The following TNFAIP6 variants were observed in gnomAD, a reference collection of about 807,000 sequenced individuals.
TNFAIP6 encodes tumor necrosis factor-inducible gene 6 protein.
Under a neutral mutation model 33.7 loss-of-function variants are expected in TNFAIP6, and 36 were observed. The ratio of observed to expected loss-of-function variants is 1.07; its 90% CI spans 0.82 to 1.41. TNFAIP6 has a LOEUF of 1.41. Ranked by LOEUF, TNFAIP6 falls within the 40% of genes most tolerant of loss-of-function variation. TNFAIP6 has a pLI of 0.00. For missense variants in TNFAIP6, 273 were observed against 331.9 expected, an observed-to-expected ratio of 0.82 and a Z score of 1.38; for synonymous variants, 113 against 112.8, an observed-to-expected ratio of 1.00 and a Z score of -0.01.
At chr2:151,367,586 A>G (rs1264289740) in intron 3 of TNFAIP6, among the ~76,000 whole-genome samples, 2 of 152,204 alleles carry the variant, frequency 1.3e-5, no homozygotes, top group Non-Finnish European at 2.9e-5. Flanking sequence ...AGAAGTGCCA[A>G]TGAAATGGTC....
At chr2:151,380,798 G>T (rs7601008), downstream of TNFAIP6, among the ~76,000 whole-genome samples, 3,212 of 152,184 alleles carry the variant, frequency 0.021, 118 homozygotes, top group African/African-American at 0.074. Context: ...ACTAATTTCG[G>T]GTTGGTGGTG....
intron 5 of TNFAIP6, among the ~76,000 whole-genome samples, chr2:151,377,315 A>G (rs1202628136): frequency 2.0e-5 from 3 of 151,586 alleles, no homozygotes; most frequent in South Asian, 2.1e-4. Flanking sequence ...GACTACAGGC[A>G]CCCGCCACCA....
intron 1 of TNFAIP6, among the ~76,000 whole-genome samples, chr2:151,359,278 A>C (rs1173243746): frequency 5.9e-5 from 9 of 152,242 alleles, no homozygotes; most frequent in African/African-American, 2.2e-4. Context: ...ATTAGAAGGG[A>C]TACATCTGTT....
chr2:151,374,180 G>A (rs1397840825), intron 5 of TNFAIP6, among the ~76,000 whole-genome samples: 1 of 152,172 alleles, frequency 6.6e-6, no homozygotes, highest in Non-Finnish European at 1.5e-5. Context: ...CTAATCATGT[G>A]TAGTAAATCT....
At position 151,376,877 on chromosome 2, in the gene TNFAIP6, T is replaced by TTTTG. The variant is rs1553467587; in HGVS notation, c.665-2484_665-2483insGTTT. The stretch of plus-strand genomic sequence containing the variant: ...TTCTTTTTCTTTTCTTTTTTTTTTT[T>TTTTG]TTTTTTTTGTTTTTTTTGAGACAGG... On this transcript the variant is annotated intron_variant, in intron 5 of 5. Coordinates refer to ENST00000243347, the MANE Select transcript of TNFAIP6 (RefSeq NM_007115.4). 2.5e-4 allele frequency among the ~76,000 whole-genome samples: 36 copies of TTTTG among 146,016 alleles called. No individual in the cohort carries two copies. The East Asian group carries it at 6.3e-3, about 25-fold the overall frequency.
chr2:151,370,733 A>G (rs1326006495), intron 4 of TNFAIP6, among the ~76,000 whole-genome samples: 5 of 152,200 alleles, frequency 3.3e-5, no homozygotes, highest in African/African-American at 1.2e-4. Context: ...GTGAGTTGCA[A>G]AAATTGTTCA....
intron 1 of TNFAIP6, among the ~76,000 whole-genome samples, chr2:151,358,741 TC>T (rs1558896569): frequency 6.6e-6 from 1 of 152,226 alleles, no homozygotes; most frequent in African/African-American, 2.4e-5. Flanking sequence ...CATGCGGATT[TC>T]ATTAAAAAGC....
At position 151,370,531 on chromosome 2, in the gene TNFAIP6, A is replaced by T. The variant is rs866315318; in HGVS notation, c.623+283A>T. Among the ~76,000 whole-genome samples, 33 of 150,214 alleles carry T rather than the reference A, an allele frequency of 2.2e-4. No homozygotes were observed. The Middle Eastern group carries it at 0.02, about 93-fold the overall frequency. Reference sequence around the variant, plus strand: ...CTACAACATACTTATTAAAGTAGTGAGAGCTGCCTTTTGATTATGGCTAAG... The same window carrying T: ...CTACAACATACTTATTAAAGTAGTGTGAGCTGCCTTTTGATTATGGCTAAG... On this transcript the variant is annotated intron_variant, in intron 4 of 5. Coordinates refer to ENST00000243347, the MANE Select transcript of TNFAIP6 (RefSeq NM_007115.4).
intron 5 of TNFAIP6, among the ~76,000 whole-genome samples, chr2:151,378,603 T>A (rs1573788338): frequency 1.3e-5 from 2 of 151,868 alleles, no homozygotes; most frequent in Middle Eastern, 3.4e-3. Flanking sequence ...TTCTCCTGCC[T>A]CAGCCTCCCG....
chr2:151,363,553 T>G (rs1684664006), intron 1 of TNFAIP6, among the ~76,000 whole-genome samples: 1 of 150,626 alleles, frequency 6.6e-6, no homozygotes, highest in Non-Finnish European at 1.5e-5. Context: ...TCCCAGCTAT[T>G]CGGGAGGCTG....
chr2:151,375,127 A>T (rs1684882044), intron 5 of TNFAIP6, among the ~76,000 whole-genome samples: 1 of 104,732 alleles, frequency 9.5e-6, no homozygotes, highest in African/African-American at 4.1e-5. Context: ...CTCCGTCTCA[A>T]AAAAAAAAAA....
At chr2:151,375,890 C>T (rs1348797020) in intron 5 of TNFAIP6, among the ~76,000 whole-genome samples, 1 of 152,138 alleles carries the variant, frequency 6.6e-6, no homozygotes, top group Non-Finnish European at 1.5e-5. Context: ...AGGTGAGAGG[C>T]GTGAGCCTCA....
chr2:151,378,775 C>G (rs1412759363), intron 5 of TNFAIP6, among the ~76,000 whole-genome samples: 1 of 151,884 alleles, frequency 6.6e-6, no homozygotes, highest in Non-Finnish European at 1.5e-5. Flanking sequence ...AGGCGTGACC[C>G]ACCAGGCCCA....
intron 3 of TNFAIP6, chr2:151,368,502 C>T (rs1684755831): frequency 6.6e-6 from 1 of 151,600 alleles, no homozygotes; most frequent in South Asian, 2.1e-4. Context: ...ATATTGCAAA[C>T]CACTGATTCT....
At position 151,370,233 on chromosome 2, in the gene TNFAIP6, A is replaced by G. The variant is rs140582548; in HGVS notation, c.608A>G (p.His203Arg). The G allele has an allele frequency of 1.4e-5, 22 of 1,613,812 alleles. No individual in the cohort carries two copies. The highest frequency in any genetic ancestry group is 1.8e-5 in the Non-Finnish European group (21 of 1,179,858). Residue 203 changes from histidine (H) to arginine (R), a missense_variant, in exon 4 of 6, where the codon CAT (histidine) becomes CGT (arginine). Transcript: ENST00000243347. ...ATATATGACAGTTACGATGATGTCCATGGCTTTGTGGGAAGGTACGTATGG... is the reference window on the plus strand; with the variant it reads ...ATATATGACAGTTACGATGATGTCCGTGGCTTTGTGGGAAGGTACGTATGG... ...VEIYDSYDDV[H>R]GFVGRYCGDE...
chr2:151,364,737 C>G (rs1684683086), intron 2 of TNFAIP6, among the ~76,000 whole-genome samples: 1 of 152,156 alleles, frequency 6.6e-6, no homozygotes, highest in Non-Finnish European at 1.5e-5. Context: ...TGGGCCACCC[C>G]CATTCAGAAC....
At chr2:151,373,758 A>AG in intron 5 of TNFAIP6, 169 bp downstream of exon 5, 2 of 367,606 alleles carry the variant, frequency 5.4e-6, no homozygotes. Context: ...AAAAAAAAAA[A>AG]AATTAAAGAT....
rs1452177974 is a variant in TNFAIP6, at chr2:151,379,964, T to C, written c.*431T>C. On this transcript the variant is annotated 3_prime_UTR_variant, in exon 6 of 6. Transcript: ENST00000243347. ...AAAATATTCTATGATATGAATGTTT[T>C]ATGCATTATTTAAGCCTGTCTCTAT... 6.6e-6 allele frequency: 1 copy of C among 152,352 alleles called. No homozygotes were observed. Among genetic ancestry groups the C allele is most frequent in the Non-Finnish European group, 1.5e-5 (1 of 68,130 alleles). 9.4% of individuals were successfully genotyped at this position (152,352 alleles called of 1,614,324 possible).
chr2:151,370,200 A>G lies in TNFAIP6; in HGVS notation c.575A>G (p.Tyr192Cys), dbSNP rs1305075536. Residue 192 changes from tyrosine to cysteine, a missense_variant, in exon 4 of 6, where the codon TAT becomes TGT. By Grantham distance (194) the Tyr-to-Cys change is radical. Coordinates refer to ENST00000243347, the MANE Select transcript of TNFAIP6 (RefSeq NM_007115.4). ...LEDDPGCLAD[Y>C]VEIYDSYDDV... ...GATGACCCAGGTTGCTTGGCTGATT[A>G]TGTTGAAATATATGACAGTTACGAT... The G allele has an allele frequency of 6.2e-7, 1 of 1,614,142 alleles. No homozygotes were observed. Among genetic ancestry groups the G allele is most frequent in the African/African-American group, 1.3e-5 (1 of 75,052 alleles).
Sources: gnomAD v4.1 joint callset for allele counts (sites outside exome capture counted in the v4.1 genomes callset) on GRCh38, gnomAD v4.1.1 for gene constraint, MANE v1.5 for transcripts, NCBI Gene and HGNC (gene_info 2026-07-23, HGNC 2026-07-21) for gene names.